SELP: variants seen among roughly 807,000 people sequenced by gnomAD.
SELP encodes the protein P-selectin.
In SELP, 92 loss-of-function variants were observed where a neutral mutation model predicts 104.1. The ratio of observed to expected loss-of-function variants is 0.88; its 90% CI spans 0.75 to 1.05. SELP has a LOEUF of 1.05. Among genes scored for constraint, SELP ranks in the 50% least tolerant of loss-of-function variants. The pLI is 0.00. For missense variants in SELP, 1,022 were observed against 1,017.3 expected (o/e 1.00, Z -0.06); for synonymous variants, 397 against 364.5 (o/e 1.09, Z -1.01).
At position 169,612,990 on chromosome 1, in the gene SELP, C is replaced by T. The variant is rs1662622774; in HGVS notation, c.714G>A (p.Gly238=). The T allele has an allele frequency of 1.2e-6, 2 of 1,613,654 alleles. No homozygotes were observed. Among genetic ancestry groups the T allele is most frequent in the South Asian group, 1.1e-5 (1 of 91,050 alleles). ...AAGCCAAGCATTCCAGCTTGCTGGG[C>T]CCATTTACTTGGTACCCGTCAGTGC... ...FHCTDGYQVN[G]PSKLECLASG... The change falls in exon 5 of 17, where the codon GGG becomes GGA. Residue 238 remains glycine, a synonymous_variant. Transcript: ENST00000263686.
intron 10 of SELP, among the ~76,000 whole-genome samples, chr1:169,598,545 T>G (rs772473955): frequency 2.0e-5 from 3 of 152,234 alleles, no homozygotes; most frequent in Non-Finnish European, 4.4e-5. Flanking sequence ...CTCAAATTGT[T>G]GAGTAATTAA....
rs765493582 is a variant in SELP at position 169,590,137 on chromosome 1, G to A, written c.*1+10C>T. 1.3e-6 allele frequency: 2 copies of A among 1,590,528 alleles called. No individual in the cohort carries two copies. Among genetic ancestry groups the A allele is most frequent in the South Asian group, 1.1e-5 (1 of 90,428 alleles). On this transcript the variant is annotated intron_variant, in intron 16 of 16. Coordinates refer to ENST00000263686, the MANE Select transcript of SELP (RefSeq NM_003005.4). ...TATTTCCTTCAAAAATATCTTTATA[G>A]GGATCTTACCTTAAGGACTCGGGTC...
At chr1:169,597,613 C>G (rs1661694644) in intron 10 of SELP, among the ~76,000 whole-genome samples, 1 of 152,158 alleles carries the variant, frequency 6.6e-6, no homozygotes, top group Admixed American at 6.5e-5. Flanking sequence ...ATTCAACACA[C>G]CTAAAACTGC....
Position 169,609,514 on chromosome 1 carries a change from T to TG in SELP, c.1322dup (p.Val442SerfsTer15), listed in dbSNP as rs746611808. 11 of 1,612,968 alleles carry TG rather than the reference T, an allele frequency of 6.8e-6. No homozygotes were observed. In the South Asian group the frequency reaches 1.2e-4, roughly 18 times the overall value. ...CCACTGTTACAGTACCTTGACAGACTGGGGCTGGTGCTGTCCACTGTCCCA... is the reference window on the plus strand; with the variant it reads ...CCACTGTTACAGTACCTTGACAGACTGGGGGCTGGTGCTGTCCACTGTCCCA... On this transcript the variant is annotated frameshift_variant, in exon 8 of 17. Coordinates refer to ENST00000263686, the MANE Select transcript of SELP (RefSeq NM_003005.4). LOFTEE classifies it high-confidence loss of function.
At chr1:169,627,399 A>G (rs1663424987) in intron 1 of SELP, among the ~76,000 whole-genome samples, 1 of 152,254 alleles carries the variant, frequency 6.6e-6, no homozygotes, top group African/African-American at 2.4e-5. Context: ...TAGACTACCA[A>G]TTGCCATTAT....
intron 14 of SELP, among the ~76,000 whole-genome samples, chr1:169,593,310 T>G (rs1244661778): frequency 6.6e-6 from 1 of 152,182 alleles, no homozygotes; most frequent in African/African-American, 2.4e-5. Flanking sequence ...AATGCAAAAC[T>G]GCAAAGTAGC....
chr1:169,596,205 C>A, intron 11 of SELP, 71 bp from the exon 12 acceptor site: 1 of 1,343,290 alleles, frequency 7.4e-7, no homozygotes, highest in Non-Finnish European at 1.1e-6. Context: ...TAAGGCTAAT[C>A]TGGAATAACT....
intron 14 of SELP, among the ~76,000 whole-genome samples, chr1:169,593,063 T>C (rs372422148): frequency 6.6e-6 from 1 of 152,282 alleles, no homozygotes; most frequent in African/African-American, 2.4e-5. Context: ...TAATAATACC[T>C]AGGTTGTATT....
chr1:169,607,091 C>T lies in SELP; in HGVS notation c.1377G>A (p.Val459=), dbSNP rs1462958869. The change falls in exon 9 of 17, where the codon GTG becomes GTA. Residue 459 remains valine, a synonymous_variant. Coordinates refer to ENST00000263686, the MANE Select transcript of SELP (RefSeq NM_003005.4). The part of the protein sequence containing the change: ...QDLPVPNEAR[V]NCSHPFGAFR... ...AGGCACCGAAGGGGTGGGAGCAGTT[C>T]ACCCGGGCCTCATTTGGAACTGGGA... 4 of 1,608,474 alleles carry T rather than the reference C, an allele frequency of 2.5e-6. No individual in the cohort carries two copies. Among genetic ancestry groups the T allele is most frequent in the Non-Finnish European group, 3.4e-6 (4 of 1,175,472 alleles).
intron 6 of SELP, among the ~76,000 whole-genome samples, chr1:169,611,979 T>C (rs1468528006): frequency 1.3e-5 from 2 of 152,150 alleles, no homozygotes; most frequent in Non-Finnish European, 2.9e-5. Context: ...TTTCTAATCT[T>C]ATGGGGAAAT....
intron 9 of SELP, among the ~76,000 whole-genome samples, chr1:169,604,485 A>G (rs184779661): frequency 1.2e-4 from 18 of 151,546 alleles, no homozygotes; most frequent in Admixed American, 8.6e-4. Context: ...TTTGGCTTTT[A>G]TTGCCATTGC....
chr1:169,628,637 T>C (rs534069845), intron 1 of SELP, among the ~76,000 whole-genome samples: 1 of 152,338 alleles, frequency 6.6e-6, no homozygotes, highest in East Asian at 1.9e-4. Flanking sequence ...TTTATGTCGA[T>C]GTTTTTGCTT....
rs1267389446 is a variant in SELP at position 169,594,857 on chromosome 1, G to A, written c.2122C>T (p.His708Tyr). ...ACRAVKCSEL[H>Y]VNKPIAMNCS... ...TTCATCGCTATTGGCTTATTAACAT[G>A]TAGTTCTGAGCATTTCACAGCTGCA... The change falls in exon 13 of 17, where the codon CAT (histidine) becomes TAT (tyrosine). Residue 708 changes from histidine (H) to tyrosine (Y), a missense_variant. Transcript: ENST00000263686. 1 of 1,613,394 alleles carries A rather than the reference G, an allele frequency of 6.2e-7. No individual in the cohort carries two copies. The highest frequency in any genetic ancestry group is 1.7e-5 in the Admixed American group (1 of 59,928).
At chr1:169,625,117 G>A (rs1663313758) in intron 1 of SELP, among the ~76,000 whole-genome samples, 2 of 151,900 alleles carry the variant, frequency 1.3e-5, no homozygotes, top group African/African-American at 2.4e-5. Context: ...CCCACTGCCC[G>A]ACCATCCTAT....
chr1:169,613,205 TCTTAA>T, intron 4 of SELP, 91 bp from the exon 5 acceptor site: 1 of 1,217,858 alleles, frequency 8.2e-7, no homozygotes, highest in Non-Finnish European at 1.1e-6. Context: ...TGTGTAACCC[TCTTAA>T]CTCTAATTTT....
intron 12 of SELP, among the ~76,000 whole-genome samples, chr1:169,595,181 T>TA (rs1661543251): frequency 6.6e-6 from 1 of 152,152 alleles, no homozygotes; most frequent in Non-Finnish European, 1.5e-5. Flanking sequence ...TTTTGGTTCT[T>TA]AAAATACTGT....
rs1456565599 is a variant in SELP at position 169,603,303 on chromosome 1, C to CTGTGTG, written c.1520-93_1520-92insCACACA. The CTGTGTG allele has an allele frequency of 2.1e-4, 143 of 694,684 alleles. No individual in the cohort carries two copies. The African/African-American group carries it at 4.2e-3, about 20-fold the overall frequency. 43.0% of individuals were successfully genotyped at this position (694,684 alleles called of 1,614,324 possible). ...ACTCTCTCTCTCTTTCTCCCTCTCT[C>CTGTGTG]TCTCTGTGTGTGTGTGTGTGTGTGT... On this transcript the variant is annotated intron_variant, in intron 9 of 16. Transcript: ENST00000263686.
At chr1:169,603,294 T>TCC in intron 9 of SELP, 83 bp from the exon 10 acceptor site, 3 of 940,980 alleles carry the variant, frequency 3.2e-6, no homozygotes, top group Non-Finnish European at 4.5e-6. Flanking sequence ...TCTCTCTTTC[T>TCC]CCCTCTCTCT....
At chr1:169,605,969 G>A (rs947841273) in intron 9 of SELP, among the ~76,000 whole-genome samples, 3 of 152,126 alleles carry the variant, frequency 2.0e-5, no homozygotes, top group Non-Finnish European at 1.5e-5. Context: ...ACTAGAACCC[G>A]TTCAAGTTCA....
Sources: gnomAD v4.1 joint callset for allele counts (sites outside exome capture counted in the v4.1 genomes callset) on GRCh38, gnomAD v4.1.1 for gene constraint, MANE v1.5 for transcripts, NCBI Gene and HGNC (gene_info 2026-07-23, HGNC 2026-07-21) for gene names.